SYTL3: variants seen among roughly 807,000 people sequenced by gnomAD.
The protein encoded by SYTL3 is synaptotagmin like 3, also known as synaptotagmin-like protein 3.
A neutral mutation model predicts 82.1 loss-of-function variants in SYTL3; 88 were observed. That is an observed-to-expected ratio of 1.07 (90% CI 0.90 to 1.28). The LOEUF (loss-of-function observed/expected upper bound fraction) is 1.28. Ranked by LOEUF, SYTL3 falls within the 50% of genes most tolerant of loss-of-function variation. The pLI, the probability that SYTL3 is intolerant of heterozygous loss-of-function variation, is 0.00. For synonymous variants in SYTL3, 311 were observed against 289.4 expected (o/e 1.07, Z -0.76); for missense variants, 831 against 757.6 (o/e 1.10, Z -1.14).
At chr6:158,680,925 A>G (rs1243552178) in intron 5 of SYTL3, among the ~76,000 whole-genome samples, 1 of 152,232 alleles carries the variant, frequency 6.6e-6, no homozygotes, top group African/African-American at 2.4e-5. Context: ...AGAGAAAGAT[A>G]GCATATTTTG....
At position 158,682,998 on chromosome 6, in the gene SYTL3, TCTTTA is replaced by T. The variant is rs549392298; in HGVS notation, c.394+14_394+18del. On this transcript the variant is annotated intron_variant, in intron 6 of 17. Transcript: ENST00000611299. The stretch of plus-strand genomic sequence containing the variant: ...GAAATTTCCAACTGGAGGTAAATGC[TCTTTA>T]CTTTTTTAGTAAAGTAAAATGATCT... 1.8e-3 allele frequency: 2,932 copies of T among 1,592,516 alleles called. 2 individuals are homozygous for T. Among genetic ancestry groups the T allele is most frequent in the Non-Finnish European group, 2.2e-3 (2,569 of 1,160,694 alleles).
intron 11 of SYTL3, among the ~76,000 whole-genome samples, chr6:158,727,654 T>C (rs1784899267): frequency 6.7e-6 from 1 of 150,130 alleles, no homozygotes; most frequent in Non-Finnish European, 1.5e-5. Flanking sequence ...CCACCTCCCA[T>C]GGCCGTTCTC....
chr6:158,737,502 GT>G (rs1186694051), intron 11 of SYTL3, among the ~76,000 whole-genome samples: 2 of 152,242 alleles, frequency 1.3e-5, no homozygotes, highest in African/African-American at 2.4e-5. Flanking sequence ...TTCAGAGAAA[GT>G]CACTGGCAGA....
intron 14 of SYTL3, among the ~76,000 whole-genome samples, chr6:158,759,710 T>C (rs1789649409): frequency 1.3e-5 from 2 of 152,074 alleles, no homozygotes; most frequent in Non-Finnish European, 2.9e-5. Context: ...TTTTTTGTAT[T>C]TTTGGTAGAC....
intron 2 of SYTL3, among the ~76,000 whole-genome samples, chr6:158,658,437 C>T (rs899439059): frequency 6.6e-5 from 10 of 152,154 alleles, no homozygotes; most frequent in African/African-American, 2.4e-4. Context: ...AATGAAGCAA[C>T]TGTGGTTCAA....
chr6:158,691,943 G>A (rs1385867394), intron 6 of SYTL3, among the ~76,000 whole-genome samples: 1 of 146,682 alleles, frequency 6.8e-6, no homozygotes, highest in Admixed American at 6.9e-5. Context: ...GAGCCACCGC[G>A]CCCGGCCAAT....
Position 158,661,934 on chromosome 6 carries a change from G to A in SYTL3, c.-520+549G>A, listed in dbSNP as rs141603738. The stretch of plus-strand genomic sequence containing the variant: ...TATATTACAATTTTTAAATATTTCA[G>A]TATAATCAATTTCTTCCTATGTAAC... On this transcript the variant is annotated intron_variant, in intron 3 of 17. Coordinates refer to ENST00000611299, the MANE Select transcript of SYTL3 (RefSeq NM_001242394.2). Among the ~76,000 whole-genome samples, 8 of 152,238 alleles carry A rather than the reference G, an allele frequency of 5.3e-5. No homozygotes were observed. The East Asian group carries it at 1.5e-3, about 29-fold the overall frequency.
chr6:158,745,688 G>C, intron 12 of SYTL3, 30 bp downstream of exon 12: 1 of 1,482,126 alleles, frequency 6.7e-7, no homozygotes. Context: ...TTTAACATGA[G>C]ACATATTGAT....
At chr6:158,683,629 T>C (rs932605669) in intron 6 of SYTL3, among the ~76,000 whole-genome samples, 1 of 152,258 alleles carries the variant, frequency 6.6e-6, no homozygotes, top group African/African-American at 2.4e-5. Context: ...TTTGTAATTC[T>C]CTTCTGTAAT....
Position 158,718,163 on chromosome 6 carries a change from G to A in SYTL3, c.672G>A (p.Gln224=). The A allele has an allele frequency of 6.5e-7, 1 of 1,545,944 alleles. No individual in the cohort carries two copies. The highest frequency in any genetic ancestry group is 1.2e-5 in the South Asian group (1 of 83,296). The part of the protein sequence containing the change: ...LATGPRQCVG[Q]TERRSQSDTA... ...CGGGCCCCAGGCAGTGTGTGGGACA[G>A]ACAGAGAGACGGAGCCAGTCTGACA... Residue 224 remains glutamine (Q), a synonymous_variant, in exon 10 of 18, where the codon CAG becomes CAA. Coordinates refer to ENST00000611299, the MANE Select transcript of SYTL3 (RefSeq NM_001242394.2).
intron 13 of SYTL3, among the ~76,000 whole-genome samples, chr6:158,752,492 T>A (rs1027514922): frequency 9.9e-5 from 15 of 152,242 alleles, no homozygotes; most frequent in Non-Finnish European, 1.8e-4. Flanking sequence ...TTATTTTTTT[T>A]AAATGAATCC....
chr6:158,649,090 C>T (rs1787711297), upstream of SYTL3, among the ~76,000 whole-genome samples: 2 of 152,178 alleles, frequency 1.3e-5, no homozygotes, highest in South Asian at 4.1e-4. Flanking sequence ...AAGGATAACT[C>T]GTGGTATAGC....
At chr6:158,738,733 C>A (rs1786522718) in intron 11 of SYTL3, among the ~76,000 whole-genome samples, 1 of 152,246 alleles carries the variant, frequency 6.6e-6, no homozygotes, top group African/African-American at 2.4e-5. Context: ...TCTCAGCTCA[C>A]TGCAACCTCC....
At chr6:158,713,689 A>G in intron 8 of SYTL3, 111 bp from the exon 9 acceptor site, 1 of 770,832 alleles carries the variant, frequency 1.3e-6, no homozygotes, top group Admixed American at 2.0e-5. Flanking sequence ...GCCCACACTC[A>G]CTCGCACACA....
chr6:158,651,627 A>G (rs942070312), intron 1 of SYTL3, 126 bp from the exon 2 acceptor site: 1 of 151,828 alleles, frequency 6.6e-6, no homozygotes, highest in Non-Finnish European at 1.5e-5. Context: ...ATTAATTCTC[A>G]TTTCTTTGCT....
chr6:158,647,439 G>A (rs1306922176), upstream of SYTL3, among the ~76,000 whole-genome samples: 3 of 152,178 alleles, frequency 2.0e-5, no homozygotes, highest in Non-Finnish European at 4.4e-5. Context: ...CTGAGCTGGG[G>A]GTTGAGGCTA....
intron 6 of SYTL3, among the ~76,000 whole-genome samples, chr6:158,684,001 C>T (rs551121641): frequency 6.6e-6 from 1 of 152,248 alleles, no homozygotes. Flanking sequence ...CCAGGAAACA[C>T]TTCCAAGGGC....
intron 6 of SYTL3, among the ~76,000 whole-genome samples, chr6:158,693,855 C>CTTTTTTT (rs575358067): frequency 8.3e-5 from 8 of 96,858 alleles, no homozygotes; most frequent in Non-Finnish European, 1.1e-4. Context: ...TTTTTCTTTT[C>CTTTTTTT]TTTTTTTTTT....
At chr6:158,752,155 T>A (rs1429494960) in intron 13 of SYTL3, 125 bp downstream of exon 13, 1 of 531,380 alleles carries the variant, frequency 1.9e-6, no homozygotes, top group Non-Finnish European at 3.2e-6. Flanking sequence ...GACACCTATA[T>A]GTTTCTTCGC....
Sources: gnomAD v4.1 joint callset for allele counts (sites outside exome capture counted in the v4.1 genomes callset) on GRCh38, gnomAD v4.1.1 for gene constraint, MANE v1.5 for transcripts, NCBI Gene and HGNC (gene_info 2026-07-23, HGNC 2026-07-21) for gene names.